The following PARD3 variants were observed in gnomAD, a reference collection of about 807,000 sequenced individuals.
PARD3 encodes partitioning defective 3 homolog.
Under a neutral mutation model 155.4 loss-of-function variants are expected in PARD3, and 75 were observed. The observed-to-expected ratio is 0.48, with a 90% CI of 0.40 to 0.58. The LOEUF is 0.58. Ranked by LOEUF, PARD3 falls within the 20% of genes least tolerant of loss-of-function variation. PARD3 has a pLI of 0.00. For missense variants in PARD3, 1,642 were observed against 1,721.7 expected (o/e 0.95, Z 0.82); for synonymous variants, 576 against 610.5 (o/e 0.94, Z 0.83).
chr10:34,585,601 C>T (rs1476803079), intron 2 of PARD3, among the ~76,000 whole-genome samples: 1 of 149,688 alleles, frequency 6.7e-6, no homozygotes, highest in Non-Finnish European at 1.5e-5. Flanking sequence ...TCTCTGTGCA[C>T]AGAAAGTGAA....
rs1394213598 is a variant in PARD3 at position 34,382,855 on chromosome 10, T to C, written c.1084A>G (p.Asn362Asp). The change falls in exon 9 of 25, where the codon AAT (asparagine) becomes GAT (aspartate). Residue 362 changes from asparagine to aspartate, a missense_variant. Around this residue, in one of 3 missense-constraint regions of PARD3, gnomAD observed 1,529 missense variants for 1,587.3 expected, o/e 0.96. Coordinates refer to ENST00000374788, the MANE Select transcript of PARD3 (RefSeq NM_001184785.2). ...GATAGTTGTTCATACTGCTCTTTAT[T>C]TGCTGCAGGAACCACATGGAACCAA... is the stretch of plus-strand genomic sequence containing the variant. ...IIWFHVVPAA[N>D]KEQYEQLSQS... The C allele has an allele frequency of 3.4e-5, 55 of 1,614,054 alleles. No homozygotes were observed. The highest frequency in any genetic ancestry group is 4.4e-5 in the Non-Finnish European group (52 of 1,180,026).
chr10:34,243,399 C>T (rs995404922), intron 22 of PARD3, among the ~76,000 whole-genome samples: 27 of 152,100 alleles, frequency 1.8e-4, no homozygotes, highest in African/African-American at 4.6e-4. Context: ...ATAGATGGCC[C>T]GCAGTTTTTA....
At chr10:34,371,122 T>G (rs1564637338) in intron 12 of PARD3, among the ~76,000 whole-genome samples, 1 of 152,090 alleles carries the variant, frequency 6.6e-6, no homozygotes, top group South Asian at 2.1e-4. Flanking sequence ...CTTTATATTA[T>G]ATATACTCTG....
rs74132094 is a variant in PARD3 at position 34,702,585 on chromosome 10, A to G, written c.121-6166T>C. Among the ~76,000 whole-genome samples, 1,501 of 152,276 alleles carry G rather than the reference A, an allele frequency of 9.9e-3. 25 individuals carry two copies. Among genetic ancestry groups the G allele is most frequent in the African/African-American group, 0.034 (1,426 of 41,544 alleles). ...GTAGAGGTGCCTTGTTGAAAATGAG[A>G]GGAGCCAAGTGAATATTTACGTACT... On this transcript the variant is annotated intron_variant, in intron 1 of 24. Transcript: ENST00000374788.
chr10:34,175,020 G>C (rs1176675250), intron 22 of PARD3, among the ~76,000 whole-genome samples: 1 of 151,172 alleles, frequency 6.6e-6, no homozygotes, highest in East Asian at 1.9e-4. Context: ...TGCTTATTTT[G>C]ACACCTGGAG....
At chr10:34,706,974 G>A (rs933193405) in intron 1 of PARD3, among the ~76,000 whole-genome samples, 2 of 151,822 alleles carry the variant, frequency 1.3e-5, no homozygotes, top group African/African-American at 2.4e-5. Context: ...GGCTGGGTTC[G>A]GTAGCTCACA....
In PARD3 at chr10:34,378,108, T is replaced by A. The variant is rs1359938123; in HGVS notation, c.1400-2A>T. On this transcript the variant is annotated splice_acceptor_variant, in intron 9 of 24. Coordinates refer to ENST00000374788, the MANE Select transcript of PARD3 (RefSeq NM_001184785.2). LOFTEE classifies it high-confidence loss of function. ...TGCTGAATCCCAAACCTTCTGTACC[T>A]AGGTATGTGAAGGAGAAGAAAAGTA... 1 of 1,581,540 alleles carries A rather than the reference T, an allele frequency of 6.3e-7. No individual in the cohort carries two copies. The highest frequency in any genetic ancestry group is 1.4e-5 in the African/African-American group (1 of 72,578).
At chr10:34,619,538 A>T (rs2091486389) in intron 2 of PARD3, among the ~76,000 whole-genome samples, 1 of 152,138 alleles carries the variant, frequency 6.6e-6, no homozygotes, top group Non-Finnish European at 1.5e-5. Flanking sequence ...GTTATTTGCC[A>T]ACTTTTTTCT....
At chr10:34,343,518 C>T in intron 15 of PARD3, 1 of 985,068 alleles carries the variant, frequency 1.0e-6, no homozygotes, top group Non-Finnish European at 1.2e-6. Flanking sequence ...TTTTTCTCAC[C>T]CATGATTTGA....
At chr10:34,229,110 A>C (rs1426986513) in intron 22 of PARD3, among the ~76,000 whole-genome samples, 2 of 152,074 alleles carry the variant, frequency 1.3e-5, no homozygotes, top group Non-Finnish European at 2.9e-5. Context: ...TCCTCACAAC[A>C]GCCACACGCC....
chr10:34,177,975 G>A (rs1950110337), intron 22 of PARD3, among the ~76,000 whole-genome samples: 1 of 152,170 alleles, frequency 6.6e-6, no homozygotes, highest in African/African-American at 2.4e-5. Flanking sequence ...CTGGTCCAGA[G>A]ACATACTATT....
chr10:34,645,453 G>C (rs1301242075), intron 2 of PARD3, among the ~76,000 whole-genome samples: 1 of 152,088 alleles, frequency 6.6e-6, no homozygotes, highest in African/African-American at 2.4e-5. Flanking sequence ...TGATCCACCT[G>C]CCTCAGCCTC....
chr10:34,405,079 A>AC (rs1844309207), intron 5 of PARD3, among the ~76,000 whole-genome samples: 920 of 59,426 alleles, frequency 0.015, 10 homozygotes, highest in African/African-American at 0.091. Context: ...CACAAACACA[A>AC]ACACACACAC....
chr10:34,500,899 C>T (rs965504035), intron 3 of PARD3, among the ~76,000 whole-genome samples: 2 of 152,146 alleles, frequency 1.3e-5, no homozygotes, highest in African/African-American at 2.4e-5. Context: ...TCCTAACATG[C>T]ACAATATTCA....
chr10:34,428,189 G>A (rs1312531010), intron 5 of PARD3, among the ~76,000 whole-genome samples: 1 of 152,152 alleles, frequency 6.6e-6, no homozygotes, highest in Non-Finnish European at 1.5e-5. Flanking sequence ...AACTGAGGAA[G>A]AATCTCTCCC....
chr10:34,553,464 A>G (rs1374860031), intron 2 of PARD3, among the ~76,000 whole-genome samples: 1 of 152,298 alleles, frequency 6.6e-6, no homozygotes, highest in South Asian at 2.1e-4. Context: ...TAACTGTAAA[A>G]TTAGGGTATG....
intron 2 of PARD3, among the ~76,000 whole-genome samples, chr10:34,688,662 T>C (rs538520803): frequency 1.3e-5 from 2 of 152,232 alleles, no homozygotes; most frequent in African/African-American, 4.8e-5. Context: ...CAGGGTAATA[T>C]AATAGTACCA....
intron 22 of PARD3, among the ~76,000 whole-genome samples, chr10:34,243,323 T>G (rs898444049): frequency 9.2e-5 from 14 of 152,206 alleles, no homozygotes; most frequent in Non-Finnish European, 1.5e-4. Context: ...CTTATGCATA[T>G]GTAACATATA....
intron 2 of PARD3, among the ~76,000 whole-genome samples, chr10:34,590,357 T>C (rs1416656888): frequency 1.3e-5 from 2 of 152,242 alleles, no homozygotes; most frequent in Non-Finnish European, 2.9e-5. Flanking sequence ...TGAGGAATTG[T>C]TGCCTGAATG....
Sources: gnomAD v4.1 joint callset for allele counts (sites outside exome capture counted in the v4.1 genomes callset) on GRCh38, gnomAD v4.1.1 for gene constraint, gnomAD v4.1.1 regional missense constraint, MANE v1.5 for transcripts, NCBI Gene and HGNC (gene_info 2026-07-23, HGNC 2026-07-21) for gene names.